CYP2J2: variants seen among roughly 807,000 people sequenced by gnomAD.
CYP2J2 encodes the protein cytochrome P450 family 2 subfamily J member 2.
A neutral mutation model predicts 48.8 loss-of-function variants in CYP2J2; 41 were observed. That is an observed-to-expected ratio of 0.84 (90% CI 0.66 to 1.09). CYP2J2 has a LOEUF of 1.09. Among genes scored for constraint, CYP2J2 ranks in the 50% least tolerant of loss-of-function variants. The pLI, the probability that CYP2J2 is intolerant of heterozygous loss-of-function variation, is 0.00. For synonymous variants in CYP2J2, 221 were observed against 227.1 expected (o/e 0.97, Z 0.24); for missense variants, 644 against 617.3 (o/e 1.04, Z -0.46).
chr1:59,963,274 A>G, the CYP2J2 span, among the ~76,000 whole-genome samples: 1 of 152,214 alleles, frequency 6.6e-6, no homozygotes, highest in Admixed American at 6.5e-5. Flanking sequence ...AAGGTTGTAC[A>G]ACCATCAGCA....
intron 2 of CYP2J2, chr1:59,913,085 C>T (rs11207538): frequency 0.025 from 3,815 of 152,256 alleles, 84 homozygotes; most frequent in Non-Finnish European, 0.038. Context: ...GTCCGGATAC[C>T]TTTTGACCTC....
upstream of CYP2J2, among the ~76,000 whole-genome samples, chr1:59,929,802 G>A (rs1194520411): frequency 2.0e-5 from 3 of 152,082 alleles, no homozygotes; most frequent in Admixed American, 6.6e-5. Context: ...TATGTAATCA[G>A]AATACCATAG....
At chr1:59,900,660 C>T (rs894101788) in intron 8 of CYP2J2, among the ~76,000 whole-genome samples, 9 of 152,088 alleles carry the variant, frequency 5.9e-5, no homozygotes, top group African/African-American at 2.2e-4. Flanking sequence ...AATGGAAGCA[C>T]CTAATCCTCT....
At position 59,901,076 on chromosome 1, in the gene CYP2J2, C is replaced by A. The variant is rs752285305; in HGVS notation, c.1219G>T (p.Ala407Ser). Residue 407 changes from alanine (A) to serine (S), a missense_variant, in exon 8 of 9, where the codon GCG becomes TCG. Coordinates refer to ENST00000371204, the MANE Select transcript of CYP2J2 (RefSeq NM_000775.4). Reference protein sequence around the residue: ...KGTMILTNLTALHRDPTEWAT... With the variant: ...KGTMILTNLTSLHRDPTEWAT... ...CACTCTGTGGGGTCCCTGTGCAGCGCCGTCAAATTGGTCAGGATCATGGTA... is the reference window on the plus strand; with the variant it reads ...CACTCTGTGGGGTCCCTGTGCAGCGACGTCAAATTGGTCAGGATCATGGTA... 1.9e-6 allele frequency: 3 copies of A among 1,613,984 alleles called. No individual in the cohort carries two copies. The highest frequency in any genetic ancestry group is 2.5e-6 in the Non-Finnish European group (3 of 1,179,906).
the CYP2J2 span, among the ~76,000 whole-genome samples, chr1:59,949,006 C>A: frequency 1.3e-4 from 20 of 151,466 alleles, no homozygotes; most frequent in Non-Finnish European, 2.1e-4. Flanking sequence ...ATGGTCACTG[C>A]ACTGCAGCTT....
intron 6 of CYP2J2, 60 bp from the exon 7 acceptor site, chr1:59,905,118 T>C: frequency 1.3e-6 from 2 of 1,513,094 alleles, no homozygotes; most frequent in South Asian, 2.4e-5. Context: ...TATAAAGAGG[T>C]ATGAGTGGTC....
intron 2 of CYP2J2, 174 bp from the exon 3 acceptor site, chr1:59,912,485 G>T: frequency 1.6e-6 from 1 of 625,066 alleles, no homozygotes; most frequent in Non-Finnish European, 2.7e-6. Context: ...TTTACTGATT[G>T]CTTGCAATGG....
intron 1 of CYP2J2, among the ~76,000 whole-genome samples, chr1:59,918,478 T>C (rs997660637): frequency 2.0e-5 from 3 of 152,152 alleles, no homozygotes; most frequent in African/African-American, 7.2e-5. Context: ...AAAAAACTTG[T>C]ATGGTATTAT....
the CYP2J2 span, among the ~76,000 whole-genome samples, chr1:59,946,361 C>T: frequency 6.6e-6 from 1 of 152,326 alleles, no homozygotes; most frequent in South Asian, 2.1e-4. Flanking sequence ...GGTCTTTGCT[C>T]AGAAATTATC....
the CYP2J2 span, among the ~76,000 whole-genome samples, chr1:59,933,691 T>A: frequency 2.3e-3 from 355 of 152,146 alleles, no homozygotes; most frequent in Non-Finnish European, 4.0e-3. Context: ...GACAAAAGAT[T>A]TGTGCATTGA....
At chr1:59,957,376 T>G in the CYP2J2 span, among the ~76,000 whole-genome samples, 1 of 152,138 alleles carries the variant, frequency 6.6e-6, no homozygotes, top group Non-Finnish European at 1.5e-5. Flanking sequence ...TTCTATATTG[T>G]AAACAAGTCA....
intron 1 of CYP2J2, among the ~76,000 whole-genome samples, chr1:59,921,667 G>A (rs1644516750): frequency 6.6e-6 from 1 of 151,158 alleles, no homozygotes; most frequent in South Asian, 2.1e-4. Flanking sequence ...GCAAAAGCTG[G>A]TTGCAAACAA....
the CYP2J2 span, among the ~76,000 whole-genome samples, chr1:59,935,059 A>T: frequency 9.5e-6 from 1 of 105,214 alleles, no homozygotes; most frequent in Non-Finnish European, 2.2e-5. Flanking sequence ...TATACACAAC[A>T]GAATATTATT....
upstream of CYP2J2, among the ~76,000 whole-genome samples, chr1:59,931,403 C>T (rs935775108): frequency 2.6e-5 from 4 of 151,994 alleles, no homozygotes; most frequent in African/African-American, 7.2e-5. Flanking sequence ...ATTGTATTAA[C>T]CAGTCCCCCA....
intron 6 of CYP2J2, among the ~76,000 whole-genome samples, chr1:59,906,468 G>A (rs1446168854): frequency 1.3e-5 from 2 of 151,320 alleles, no homozygotes; most frequent in Non-Finnish European, 2.9e-5. Flanking sequence ...TTTTTTACCT[G>A]AAAGCGAAAT....
At chr1:59,955,297 TATATATATCC>T in the CYP2J2 span, among the ~76,000 whole-genome samples, 187 of 129,382 alleles carry the variant, frequency 1.4e-3, 1 homozygote, top group African/African-American at 4.2e-3. Flanking sequence ...TATATCCATA[TATATATATCC>T]ATATATATCC....
At chr1:59,929,876 A>G (rs1644594984), upstream of CYP2J2, among the ~76,000 whole-genome samples, 1 of 152,182 alleles carries the variant, frequency 6.6e-6, no homozygotes. Flanking sequence ...AATTTCCAAA[A>G]TTTCACGAAA....
At chr1:59,953,216 T>C in the CYP2J2 span, among the ~76,000 whole-genome samples, 4,001 of 152,210 alleles carry the variant, frequency 0.026, 57 homozygotes, top group Non-Finnish European at 0.033. Flanking sequence ...GCTCACTAAG[T>C]CCTCAGCACC....
the CYP2J2 span, among the ~76,000 whole-genome samples, chr1:59,961,212 T>C: frequency 9.2e-5 from 14 of 152,018 alleles, no homozygotes; most frequent in African/African-American, 3.4e-4. Flanking sequence ...ACATACAGAA[T>C]AAAAGAAAAT....
Sources: gnomAD v4.1 joint callset for allele counts (sites outside exome capture counted in the v4.1 genomes callset) on GRCh38, gnomAD v4.1.1 for gene constraint, MANE v1.5 for transcripts, NCBI Gene and HGNC (gene_info 2026-07-23, HGNC 2026-07-21) for gene names.